LHFPL2: variants seen among roughly 807,000 people sequenced by gnomAD.
The protein encoded by LHFPL2 is LHFPL tetraspan subfamily member 2 protein.
LHFPL2 carries 7 observed loss-of-function variants against 17.5 expected under a neutral mutation model. The observed-to-expected ratio is 0.40, with a 90% CI of 0.23 to 0.75. The LOEUF (loss-of-function observed/expected upper bound fraction) is 0.75, where lower values mean the gene tolerates loss of function less well. LHFPL2 is among the 30% of genes least tolerant of loss of function. LHFPL2 has a pLI of 0.37. For missense variants in LHFPL2, 241 were observed against 294.8 expected (o/e 0.82, Z 1.34); for synonymous variants, 134 against 116.2 (o/e 1.15, Z -0.99).
At position 78,571,401 on chromosome 5, in the gene LHFPL2, A is replaced by AC. The variant is rs371209967; in HGVS notation, c.-244-6531dup. 3.0e-3 allele frequency among the ~76,000 whole-genome samples: 448 copies of AC among 151,788 alleles called. 3 individuals are homozygous for AC. The highest frequency in any genetic ancestry group is 0.01 in the African/African-American group (431 of 41,370). ...CTTCCACGCAGCCTTCTCTGAACCC[A>AC]CCCTCGCCTCTGCCCTCTCCGTGCC... On this transcript the variant is annotated intron_variant, in intron 2 of 4. Coordinates refer to ENST00000380345, the MANE Select transcript of LHFPL2 (RefSeq NM_005779.3).
Position 78,521,441 on chromosome 5 carries a change from T to C in LHFPL2, c.-185-11043A>G, listed in dbSNP as rs908132559. On this transcript the variant is annotated intron_variant, in intron 3 of 4. Transcript: ENST00000380345. ...AATCTAATACTCCAACCCAATAGTC[T>C]GGTGATTAAGCTACTGAGATGACAT... Among the ~76,000 whole-genome samples, 3 of 152,272 alleles carry C rather than the reference T, an allele frequency of 2.0e-5. No individual in the cohort carries two copies. The East Asian group carries it at 5.8e-4, about 29-fold the overall frequency.
chr5:78,514,970 C>A (rs1755247834), intron 3 of LHFPL2, among the ~76,000 whole-genome samples: 1 of 152,250 alleles, frequency 6.6e-6, no homozygotes, highest in Admixed American at 6.5e-5. Context: ...CACACTCACA[C>A]ATTTTCTGAA....
At chr5:78,570,542 G>C (rs956400964) in intron 2 of LHFPL2, among the ~76,000 whole-genome samples, 2 of 151,714 alleles carry the variant, frequency 1.3e-5, no homozygotes, top group Non-Finnish European at 2.9e-5. Context: ...GGGAGCAAAT[G>C]TGTATAGGCA....
At chr5:78,551,349 A>G (rs572425146) in intron 3 of LHFPL2, among the ~76,000 whole-genome samples, 2 of 152,322 alleles carry the variant, frequency 1.3e-5, no homozygotes, top group South Asian at 4.1e-4. Context: ...CTGAACGTCA[A>G]ATCTTATGGG....
intron 4 of LHFPL2, among the ~76,000 whole-genome samples, chr5:78,493,069 C>T (rs1401612227): frequency 6.6e-6 from 1 of 152,244 alleles, no homozygotes; most frequent in East Asian, 1.9e-4. Context: ...TAAGAGAAAA[C>T]TGGGCCTTCA....
intron 4 of LHFPL2, among the ~76,000 whole-genome samples, chr5:78,508,170 A>T (rs553565404): frequency 1.3e-5 from 2 of 152,342 alleles, no homozygotes; most frequent in African/African-American, 4.8e-5. Context: ...AAGCCTAAAA[A>T]GTCCAAAGGA....
At chr5:78,647,349 A>T (rs1340958392) in intron 1 of LHFPL2, among the ~76,000 whole-genome samples, 5 of 152,240 alleles carry the variant, frequency 3.3e-5, no homozygotes, top group African/African-American at 1.2e-4. Flanking sequence ...TCTTAAACCT[A>T]GCAGGAGTGG....
chr5:78,603,740 A>T (rs1007125742), intron 2 of LHFPL2, among the ~76,000 whole-genome samples: 16 of 152,232 alleles, frequency 1.1e-4, no homozygotes, highest in Non-Finnish European at 1.8e-4. Flanking sequence ...AGTTAAAAAA[A>T]TTTTTAAAAA....
At chr5:78,542,242 C>A (rs975438438) in intron 3 of LHFPL2, among the ~76,000 whole-genome samples, 5 of 152,104 alleles carry the variant, frequency 3.3e-5, no homozygotes, top group Non-Finnish European at 7.3e-5. Flanking sequence ...GGCTGGCTTT[C>A]CCCAGTGGGG....
At chr5:78,639,547 T>C (rs1561377735) in intron 1 of LHFPL2, among the ~76,000 whole-genome samples, 1 of 152,182 alleles carries the variant, frequency 6.6e-6, no homozygotes, top group African/African-American at 2.4e-5. Flanking sequence ...AGGCCCACTG[T>C]AAGAAGGAGC....
chr5:78,640,730 C>T lies in LHFPL2; in HGVS notation c.-350+7769G>A, dbSNP rs141632010. 1.2e-3 allele frequency among the ~76,000 whole-genome samples: 176 copies of T among 152,300 alleles called. 1 individual carries two copies. The highest frequency in any genetic ancestry group is 4.1e-3 in the African/African-American group (170 of 41,572). On this transcript the variant is annotated intron_variant, in intron 1 of 4. Transcript: ENST00000380345. ...AAAATTTTAGTCTCTGTCCTTCCAACCCTGTTAAGCAGGCAAGGATGAGGT... is the reference window on the plus strand; with the variant it reads ...AAAATTTTAGTCTCTGTCCTTCCAATCCTGTTAAGCAGGCAAGGATGAGGT...
At chr5:78,501,410 C>G (rs1754768440) in intron 4 of LHFPL2, among the ~76,000 whole-genome samples, 1 of 152,206 alleles carries the variant, frequency 6.6e-6, no homozygotes, top group Non-Finnish European at 1.5e-5. Context: ...GAAGCAACTT[C>G]TGGCTGAGGG....
chr5:78,507,487 A>G (rs1357219091), intron 4 of LHFPL2, among the ~76,000 whole-genome samples: 3 of 152,212 alleles, frequency 2.0e-5, no homozygotes, highest in South Asian at 2.1e-4. Flanking sequence ...ACACTCAGAC[A>G]TGGAATTCAC....
chr5:78,597,970 CA>C (rs1743884441), intron 2 of LHFPL2, among the ~76,000 whole-genome samples: 1 of 152,138 alleles, frequency 6.6e-6, no homozygotes, highest in Non-Finnish European at 1.5e-5. Context: ...TGTTGCTCAC[CA>C]AAACTTGACA....
At chr5:78,540,869 C>T (rs887933910) in intron 3 of LHFPL2, among the ~76,000 whole-genome samples, 7 of 152,232 alleles carry the variant, frequency 4.6e-5, no homozygotes, top group Middle Eastern at 3.4e-3. Flanking sequence ...TATGGGGACA[C>T]GGGGGGTTTT....
intron 2 of LHFPL2, among the ~76,000 whole-genome samples, chr5:78,584,098 T>G (rs1295917535): frequency 6.6e-6 from 1 of 151,462 alleles, no homozygotes; most frequent in Non-Finnish European, 1.5e-5. Context: ...TTCTGCATTC[T>G]TCACGTAGTT....
At chr5:78,635,570 A>G (rs976144193) in intron 1 of LHFPL2, among the ~76,000 whole-genome samples, 3 of 152,250 alleles carry the variant, frequency 2.0e-5, no homozygotes, top group Non-Finnish European at 2.9e-5. Flanking sequence ...TGGGAGGCCC[A>G]GGCGGGCGGA....
chr5:78,555,474 G>C (rs1377317568), intron 3 of LHFPL2, among the ~76,000 whole-genome samples: 2 of 152,232 alleles, frequency 1.3e-5, no homozygotes, highest in Non-Finnish European at 2.9e-5. Flanking sequence ...AAGAAAGGAG[G>C]AACATGGAAG....
intron 3 of LHFPL2, among the ~76,000 whole-genome samples, chr5:78,532,561 T>C (rs1178936117): frequency 6.6e-6 from 1 of 152,104 alleles, no homozygotes; most frequent in Non-Finnish European, 1.5e-5. Context: ...ATCTCTTCTG[T>C]TACCTGGAAA....
Sources: gnomAD v4.1 joint callset for allele counts (sites outside exome capture counted in the v4.1 genomes callset) on GRCh38, gnomAD v4.1.1 for gene constraint, MANE v1.5 for transcripts, NCBI Gene and HGNC (gene_info 2026-07-23, HGNC 2026-07-21) for gene names.